METTL15: variants seen among roughly 807,000 people sequenced by gnomAD.
METTL15 encodes methyltransferase 15, mitochondrial 12S rRNA N4-cytidine, also known as 12S rRNA N(4)-cytidine methyltransferase METTL15.
A neutral mutation model predicts 38.3 loss-of-function variants in METTL15; 34 were observed. The ratio of observed to expected loss-of-function variants is 0.89; its 90% CI spans 0.68 to 1.18. METTL15 has a LOEUF of 1.18. Ranked by LOEUF, METTL15 falls within the 50% of genes most tolerant of loss-of-function variation. The probability of loss-of-function intolerance (pLI) is 0.00; values close to 1 mark genes in which losing one functional copy is unlikely to be tolerated. For synonymous variants in METTL15, 162 were observed against 170.9 expected (o/e 0.95, Z 0.41); for missense variants, 438 against 498.4 (o/e 0.88, Z 1.15).
At chr11:28,370,255 A>C (rs568229825) in intron 5 of METTL15, among the ~76,000 whole-genome samples, 1 of 151,824 alleles carries the variant, frequency 6.6e-6, no homozygotes, top group Non-Finnish European at 1.5e-5. Flanking sequence ...CCACCAATCT[A>C]TACTAAAGCT....
intron 3 of METTL15, among the ~76,000 whole-genome samples, chr11:28,170,894 A>C (rs1850833354): frequency 6.6e-6 from 1 of 152,076 alleles, no homozygotes; most frequent in Non-Finnish European, 1.5e-5. Context: ...TGTGACTTAC[A>C]ATGCCTAACC....
intron 3 of METTL15, among the ~76,000 whole-genome samples, chr11:28,177,916 A>G (rs1027248736): frequency 3.3e-5 from 5 of 152,024 alleles, no homozygotes; most frequent in African/African-American, 9.6e-5. Context: ...TTGTAAGGCT[A>G]TGGGACAAAA....
At chr11:28,128,048 A>G (rs1333335697) in intron 3 of METTL15, among the ~76,000 whole-genome samples, 1 of 152,116 alleles carries the variant, frequency 6.6e-6, no homozygotes, top group African/African-American at 2.4e-5. Context: ...TCTTACTTGT[A>G]TCTTTTCATA....
chr11:28,306,020 A>G (rs188381323), intron 6 of METTL15, among the ~76,000 whole-genome samples: 1 of 152,098 alleles, frequency 6.6e-6, no homozygotes, highest in Non-Finnish European at 1.5e-5. Context: ...GACCTAATAT[A>G]ATTCCAAATT....
intron 3 of METTL15, among the ~76,000 whole-genome samples, chr11:28,115,212 C>T (rs1851887929): frequency 6.6e-6 from 1 of 152,096 alleles, no homozygotes; most frequent in African/African-American, 2.4e-5. Context: ...GACCAGAAAC[C>T]TTGCTGAAAA....
At chr11:28,471,102 C>T (rs1160702396) in intron 6 of METTL15, among the ~76,000 whole-genome samples, 2 of 152,062 alleles carry the variant, frequency 1.3e-5, no homozygotes, top group South Asian at 2.1e-4. Context: ...TCAGAAGACC[C>T]AACAAGGCTG....
At chr11:28,452,409 G>A (rs1776723155) in intron 6 of METTL15, among the ~76,000 whole-genome samples, 1 of 152,112 alleles carries the variant, frequency 6.6e-6, no homozygotes, top group African/African-American at 2.4e-5. Context: ...GATATTTAAT[G>A]ACAGCAATAC....
At chr11:28,464,606 A>T (rs1851241890) in intron 6 of METTL15, among the ~76,000 whole-genome samples, 1 of 152,218 alleles carries the variant, frequency 6.6e-6, no homozygotes, top group African/African-American at 2.4e-5. Flanking sequence ...AACAGATGAT[A>T]TGTGAATCCT....
chr11:28,294,968 G>C (rs1856677965), intron 5 of METTL15, among the ~76,000 whole-genome samples: 1 of 151,926 alleles, frequency 6.6e-6, no homozygotes, highest in Non-Finnish European at 1.5e-5. Context: ...ATATTATCTT[G>C]GTAAAGCTGG....
At chr11:28,172,749 G>A (rs1044718117) in intron 3 of METTL15, among the ~76,000 whole-genome samples, 11 of 152,158 alleles carry the variant, frequency 7.2e-5, no homozygotes, top group Non-Finnish European at 1.5e-5. Flanking sequence ...AACAGTTTTT[G>A]TATTCTGATT....
At chr11:28,516,739 G>T (rs58214624) in intron 6 of METTL15, 1 of 152,168 alleles carries the variant, frequency 6.6e-6, no homozygotes, top group Non-Finnish European at 1.5e-5. Context: ...AGCATGTTAA[G>T]AATAACTTCC....
At chr11:28,385,793 T>G (rs1850433792) in intron 5 of METTL15, among the ~76,000 whole-genome samples, 1 of 152,052 alleles carries the variant, frequency 6.6e-6, no homozygotes. Context: ...ACATGTTTGT[T>G]TTTAATTTTC....
chr11:28,329,692 A>G (rs919760434), intron 6 of METTL15, among the ~76,000 whole-genome samples: 13 of 152,146 alleles, frequency 8.5e-5, no homozygotes, highest in Admixed American at 1.3e-4. Context: ...TGTATATCCA[A>G]ATGATCACAT....
At chr11:28,220,563 T>G (rs1853155308) in intron 4 of METTL15, among the ~76,000 whole-genome samples, 1 of 152,168 alleles carries the variant, frequency 6.6e-6, no homozygotes, top group African/African-American at 2.4e-5. Context: ...CCATTGACAT[T>G]TAAGGTTAAT....
chr11:28,159,675 A>G (rs1850385900), intron 3 of METTL15, among the ~76,000 whole-genome samples: 1 of 152,290 alleles, frequency 6.6e-6, no homozygotes, highest in South Asian at 2.1e-4. Context: ...TTTCTCCTTT[A>G]TCATGTGACA....
intron 4 of METTL15, chr11:28,287,727 G>A (rs958951125): frequency 6.6e-6 from 1 of 152,640 alleles, no homozygotes; most frequent in African/African-American, 2.4e-5. Flanking sequence ...TCTCCCCACT[G>A]TATTCTTGCA....
intron 5 of METTL15, among the ~76,000 whole-genome samples, chr11:28,378,930 T>G (rs1850352587): frequency 1.3e-5 from 2 of 152,034 alleles, no homozygotes; most frequent in African/African-American, 4.8e-5. Context: ...GTTTCCTCTT[T>G]GTTCATAGGT....
rs1326068134 is a variant in METTL15, at chr11:28,197,680, A to G, written c.271-13382A>G. 14 of 280,934 alleles carry G rather than the reference A, an allele frequency of 5.0e-5. No homozygotes were observed. In the East Asian group the frequency reaches 6.2e-4, roughly 12 times the overall value. 17.4% of individuals were successfully genotyped at this position (280,934 alleles called of 1,614,324 possible). A position where few individuals can be genotyped will look rare whatever the true frequency, so the allele number is the denominator to read the frequency against. Reference sequence around the variant, plus strand: ...ATGTAAGTTTCTATTTCTCCCTGCAATATGCACATATGTGCATATATGTAA... The same window carrying G: ...ATGTAAGTTTCTATTTCTCCCTGCAGTATGCACATATGTGCATATATGTAA... On this transcript the variant is annotated intron_variant, in intron 3 of 6. Transcript: ENST00000407364.
At chr11:28,281,200 GGAAACT>G (rs1264199225) in intron 4 of METTL15, among the ~76,000 whole-genome samples, 4 of 152,074 alleles carry the variant, frequency 2.6e-5, no homozygotes, top group Non-Finnish European at 5.9e-5. Flanking sequence ...TGAGTTGATT[GGAAACT>G]GAATTTCAGT....
Sources: gnomAD v4.1 joint callset for allele counts (sites outside exome capture counted in the v4.1 genomes callset) on GRCh38, gnomAD v4.1.1 for gene constraint, MANE v1.5 for transcripts, NCBI Gene and HGNC (gene_info 2026-07-23, HGNC 2026-07-21) for gene names.